GPC6: variants seen among roughly 807,000 people sequenced by gnomAD.
GPC6 encodes glypican-6.
Under a neutral mutation model 55.2 loss-of-function variants are expected in GPC6, and 14 were observed. The observed-to-expected ratio is 0.25, with a 90% CI of 0.17 to 0.40. The LOEUF (loss-of-function observed/expected upper bound fraction) is 0.40. Ranked by LOEUF, GPC6 falls within the 10% of genes least tolerant of loss-of-function variation. The probability of loss-of-function intolerance (pLI) is 1.00; values close to 1 mark genes in which losing one functional copy is unlikely to be tolerated. For synonymous variants in GPC6, 278 were observed against 259.6 expected (o/e 1.07, Z -0.68); for missense variants, 641 against 708.5 (o/e 0.90, Z 1.08).
chr13:94,122,691 C>G (rs577489170), intron 4 of GPC6, among the ~76,000 whole-genome samples: 2 of 152,064 alleles, frequency 1.3e-5, no homozygotes, highest in Non-Finnish European at 2.9e-5. Flanking sequence ...ACTCTGCACA[C>G]GTCATAAATC....
intron 2 of GPC6, among the ~76,000 whole-genome samples, chr13:93,736,345 C>A (rs1594412803): frequency 6.6e-6 from 1 of 152,190 alleles, no homozygotes; most frequent in South Asian, 2.1e-4. Flanking sequence ...CATCCATGAA[C>A]TATGAGTAAT....
intron 4 of GPC6, among the ~76,000 whole-genome samples, chr13:94,170,815 A>G (rs1193471455): frequency 6.6e-6 from 1 of 152,220 alleles, no homozygotes; most frequent in Non-Finnish European, 1.5e-5. Context: ...TTGAGCCATC[A>G]TGTTTAATTT....
At chr13:93,497,007 C>T (rs918356369) in intron 1 of GPC6, among the ~76,000 whole-genome samples, 2 of 152,162 alleles carry the variant, frequency 1.3e-5, no homozygotes, top group African/African-American at 4.8e-5. Flanking sequence ...TTCTTGTCAA[C>T]CTGCTTTCGA....
chr13:93,476,206 C>T (rs1566376678), intron 1 of GPC6, among the ~76,000 whole-genome samples: 1 of 152,082 alleles, frequency 6.6e-6, no homozygotes, highest in Non-Finnish European at 1.5e-5. Flanking sequence ...GGAAGGATGT[C>T]CCTCTGAACA....
chr13:93,482,755 G>A (rs2139343559), intron 1 of GPC6, among the ~76,000 whole-genome samples: 1 of 152,250 alleles, frequency 6.6e-6, no homozygotes, highest in African/African-American at 2.4e-5. Flanking sequence ...TTTGTTACAG[G>A]AAATTATAGA....
chr13:94,217,986 GATA>G (rs1300665769), intron 4 of GPC6, among the ~76,000 whole-genome samples: 1 of 152,120 alleles, frequency 6.6e-6, no homozygotes, highest in Non-Finnish European at 1.5e-5. Context: ...TTAAATATGG[GATA>G]ATATTTCTTT....
chr13:93,626,827 A>C (rs2139565353), intron 2 of GPC6, among the ~76,000 whole-genome samples: 1 of 151,486 alleles, frequency 6.6e-6, no homozygotes, highest in African/African-American at 2.4e-5. Context: ...AAATCCTAAG[A>C]CTGGGTAACT....
rs79253243 is a variant in GPC6 at position 93,900,138 on chromosome 13, G to T, written c.711+69593G>T. Among the ~76,000 whole-genome samples, 593 of 148,416 alleles carry T rather than the reference G, an allele frequency of 4.0e-3. 2 individuals carry two copies. Among genetic ancestry groups the T allele is most frequent in the African/African-American group, 0.013 (546 of 41,104 alleles). Reference sequence around the variant, plus strand: ...CTTCATTTTGCCGGACTATCTGTATGATTTAAGCACTTGCTTGTTTTTTTT... The same window carrying T: ...CTTCATTTTGCCGGACTATCTGTATTATTTAAGCACTTGCTTGTTTTTTTT... On this transcript the variant is annotated intron_variant, in intron 3 of 8. Transcript: ENST00000377047.
intron 1 of GPC6, among the ~76,000 whole-genome samples, chr13:93,425,021 C>A (rs562632323): frequency 1.3e-4 from 20 of 152,194 alleles, no homozygotes; most frequent in African/African-American, 4.6e-4. Flanking sequence ...ATATACCTGT[C>A]ACTTTCAGGG....
At chr13:93,874,339 G>A (rs1028645442) in intron 3 of GPC6, among the ~76,000 whole-genome samples, 1 of 151,698 alleles carries the variant, frequency 6.6e-6, no homozygotes, top group Non-Finnish European at 1.5e-5. Context: ...TAAAGACAAC[G>A]GCCTCCAGCT....
intron 3 of GPC6, among the ~76,000 whole-genome samples, chr13:93,875,085 T>C (rs901816984): frequency 3.3e-5 from 5 of 151,952 alleles, no homozygotes; most frequent in Non-Finnish European, 5.9e-5. Context: ...TTAATAGTGT[T>C]GGGCTTTCTT....
intron 7 of GPC6, among the ~76,000 whole-genome samples, chr13:94,387,085 G>T (rs1880442742): frequency 6.6e-6 from 1 of 152,120 alleles, no homozygotes; most frequent in African/African-American, 2.4e-5. Flanking sequence ...AATAGAACAG[G>T]ATACACAGCA....
chr13:93,469,619 C>T (rs946929916), intron 1 of GPC6, among the ~76,000 whole-genome samples: 1 of 152,094 alleles, frequency 6.6e-6, no homozygotes, highest in African/African-American at 2.4e-5. Context: ...CTCATCAGCA[C>T]CAATGTTTGT....
rs182665639 is a variant in GPC6, at chr13:94,213,228, T to C, written c.878-73121T>C. ...GGATTGGAGCTGTGCTCTTCTCTTC[T>C]CTTTCTCTCTCTAACTTGAAAGGTT... On this transcript the variant is annotated intron_variant, in intron 4 of 8. Coordinates refer to ENST00000377047, the MANE Select transcript of GPC6 (RefSeq NM_005708.5). Among the ~76,000 whole-genome samples, 1,145 of 152,298 alleles carry C rather than the reference T, an allele frequency of 7.5e-3. 6 individuals carry two copies. Among genetic ancestry groups the C allele is most frequent in the Middle Eastern group, 0.027 (8 of 294 alleles).
At chr13:93,862,864 T>C (rs1359513117) in intron 3 of GPC6, among the ~76,000 whole-genome samples, 2 of 151,616 alleles carry the variant, frequency 1.3e-5, no homozygotes, top group Non-Finnish European at 3.0e-5. Context: ...ATTTTTTTTC[T>C]CTCTCTGGTT....
chr13:94,347,873 G>T (rs1214816816), intron 6 of GPC6, among the ~76,000 whole-genome samples: 1 of 152,166 alleles, frequency 6.6e-6, no homozygotes, highest in Non-Finnish European at 1.5e-5. Context: ...ACCTGAAGAG[G>T]CCCGTTAAAT....
intron 2 of GPC6, among the ~76,000 whole-genome samples, chr13:93,675,316 G>GT (rs1348513499): frequency 6.6e-6 from 1 of 150,708 alleles, no homozygotes; most frequent in East Asian, 1.9e-4. Flanking sequence ...AATGAAGAGT[G>GT]TTTTTTTCCT....
At chr13:93,774,489 T>G (rs988359971) in intron 2 of GPC6, among the ~76,000 whole-genome samples, 21 of 152,218 alleles carry the variant, frequency 1.4e-4, no homozygotes, top group African/African-American at 5.1e-4. Flanking sequence ...CTTCGTGTAT[T>G]ATTTTTACCA....
At chr13:93,640,082 C>A (rs549467106) in intron 2 of GPC6, among the ~76,000 whole-genome samples, 2 of 152,118 alleles carry the variant, frequency 1.3e-5, no homozygotes, top group East Asian at 3.9e-4. Flanking sequence ...GCATATTTAT[C>A]AAAATTAAAA....
Sources: gnomAD v4.1 joint callset for allele counts (sites outside exome capture counted in the v4.1 genomes callset) on GRCh38, gnomAD v4.1.1 for gene constraint, MANE v1.5 for transcripts, NCBI Gene and HGNC (gene_info 2026-07-23, HGNC 2026-07-21) for gene names.